The following SLC24A3 variants were observed in gnomAD, a reference collection of about 807,000 sequenced individuals.
SLC24A3 encodes sodium/potassium/calcium exchanger 3.
A neutral mutation model predicts 75.8 loss-of-function variants in SLC24A3; 28 were observed. The observed-to-expected ratio is 0.37, with a 90% confidence interval of 0.27 to 0.51. The LOEUF is 0.51. SLC24A3 is among the 20% of genes least tolerant of loss of function. SLC24A3 has a pLI of 0.94. For synonymous variants in SLC24A3, 372 were observed against 334.1 expected (o/e 1.11, Z -1.24); for missense variants, 663 against 847.8 (o/e 0.78, Z 2.71).
intron 6 of SLC24A3, among the ~76,000 whole-genome samples, chr20:19,617,622 T>A: frequency 6.6e-6 from 1 of 152,190 alleles, no homozygotes; most frequent in East Asian, 1.9e-4. Context: ...AAACCAAGAC[T>A]GCCTGCAGGA....
rs144358623 is a variant in SLC24A3, at chr20:19,667,534, C to T, written c.713+1645C>T. ...CGTTGCTCAGTGGTGCTAGTCTTTG[C>T]TAATGACACTCCCCAAAAGACAAAC... is the stretch of plus-strand genomic sequence containing the variant. On this transcript the variant is annotated intron_variant, in intron 8 of 16. Coordinates refer to ENST00000328041, the MANE Select transcript of SLC24A3 (RefSeq NM_020689.4). Among the ~76,000 whole-genome samples the T allele has an allele frequency of 6.8e-3, 1,033 of 152,324 alleles. 10 individuals carry two copies. Among genetic ancestry groups the T allele is most frequent in the African/African-American group, 0.023 (974 of 41,560 alleles).
intron 2 of SLC24A3, among the ~76,000 whole-genome samples, chr20:19,481,563 A>C (rs6035353): frequency 0.24 from 37,065 of 152,050 alleles, 5,012 homozygotes; most frequent in East Asian, 0.5. Flanking sequence ...GGGTGCCTGG[A>C]GAAACGGTGG....
intron 8 of SLC24A3, among the ~76,000 whole-genome samples, chr20:19,671,606 A>G (rs2032467726): frequency 6.6e-6 from 1 of 151,806 alleles, no homozygotes; most frequent in African/African-American, 2.4e-5. Context: ...GGAGTGGTAC[A>G]GTTGACTGAA....
intron 1 of SLC24A3, among the ~76,000 whole-genome samples, chr20:19,267,129 A>G (rs1235129509): frequency 1.3e-5 from 2 of 152,310 alleles, no homozygotes; most frequent in Non-Finnish European, 2.9e-5. Context: ...TGATGATGTT[A>G]ATGTTGTTAT....
chr20:19,514,571 G>A (rs1170993274), intron 2 of SLC24A3, among the ~76,000 whole-genome samples: 1 of 152,168 alleles, frequency 6.6e-6, no homozygotes, highest in Non-Finnish European at 1.5e-5. Context: ...CGCGCCTGGT[G>A]GGCACATCCT....
At chr20:19,529,885 G>C (rs1378863921) in intron 3 of SLC24A3, among the ~76,000 whole-genome samples, 2 of 152,130 alleles carry the variant, frequency 1.3e-5, no homozygotes, top group Non-Finnish European at 2.9e-5. Context: ...TCTTTGCTCT[G>C]CTGATAAATG....
intron 2 of SLC24A3, among the ~76,000 whole-genome samples, chr20:19,498,709 A>G (rs1988335932): frequency 6.6e-6 from 1 of 152,232 alleles, no homozygotes; most frequent in Admixed American, 6.5e-5. Context: ...GACCACAGCA[A>G]GAACTCCAGG....
intron 2 of SLC24A3, among the ~76,000 whole-genome samples, chr20:19,428,300 G>A (rs1428604019): frequency 6.6e-6 from 1 of 152,144 alleles, no homozygotes; most frequent in Non-Finnish European, 1.5e-5. Flanking sequence ...TGTGCTTATT[G>A]TTTGCTAGCT....
At chr20:19,361,430 A>C (rs1011470185) in intron 2 of SLC24A3, among the ~76,000 whole-genome samples, 3 of 152,174 alleles carry the variant, frequency 2.0e-5, no homozygotes, top group Non-Finnish European at 4.4e-5. Context: ...GAGACAGTTG[A>C]CTGCAGAGGG....
At chr20:19,330,682 T>C (rs2122292037) in intron 2 of SLC24A3, among the ~76,000 whole-genome samples, 1 of 152,364 alleles carries the variant, frequency 6.6e-6, no homozygotes, top group East Asian at 1.9e-4. Flanking sequence ...CATAATTTTG[T>C]AACTATCACA....
At chr20:19,526,271 A>C (rs1392713463) in intron 3 of SLC24A3, among the ~76,000 whole-genome samples, 1 of 152,136 alleles carries the variant, frequency 6.6e-6, no homozygotes, top group Non-Finnish European at 1.5e-5. Context: ...ACCACTTCCC[A>C]GGATTAGTGT....
At chr20:19,614,615 C>T (rs2031712995) in intron 6 of SLC24A3, among the ~76,000 whole-genome samples, 3 of 152,248 alleles carry the variant, frequency 2.0e-5, no homozygotes, top group Non-Finnish European at 4.4e-5. Context: ...ACTGGAAGAG[C>T]AAGTGCCATT....
At chr20:19,231,283 A>C (rs1388202958) in intron 1 of SLC24A3, among the ~76,000 whole-genome samples, 8 of 152,222 alleles carry the variant, frequency 5.3e-5, no homozygotes, top group Non-Finnish European at 1.0e-4. Flanking sequence ...AGTGCTCCCG[A>C]AGATGTTTAC....
In SLC24A3 at chr20:19,257,203, C is replaced by T. The variant is rs111743057; in HGVS notation, c.143-23756C>T. On this transcript the variant is annotated intron_variant, in intron 1 of 16. Transcript: ENST00000328041. The stretch of plus-strand genomic sequence containing the variant: ...AAAGGAGGCACAGAGTCACATAAGG[C>T]GAGCCCAGGAGCTGGGACCATCACT... Among the ~76,000 whole-genome samples the T allele has an allele frequency of 8.1e-3, 1,240 of 152,292 alleles. 12 individuals carry two copies. The highest frequency in any genetic ancestry group is 0.012 in the Non-Finnish European group (846 of 68,012).
intron 6 of SLC24A3, among the ~76,000 whole-genome samples, chr20:19,590,868 GCT>G (rs1439530560): frequency 1.3e-5 from 2 of 152,208 alleles, no homozygotes; most frequent in African/African-American, 4.8e-5. Flanking sequence ...TGCAGGCTCA[GCT>G]CTCATCACGT....
At chr20:19,476,057 C>A (rs1987957694) in intron 2 of SLC24A3, among the ~76,000 whole-genome samples, 1 of 152,198 alleles carries the variant, frequency 6.6e-6, no homozygotes, top group Non-Finnish European at 1.5e-5. Flanking sequence ...GGAAAACTCA[C>A]TGTGGATGTA....
At chr20:19,684,998 A>T (rs2032657082) in intron 11 of SLC24A3, 102 bp from the exon 12 acceptor site, 1 of 1,429,518 alleles carries the variant, frequency 7.0e-7, no homozygotes, top group Non-Finnish European at 9.4e-7. Flanking sequence ...TTCTGGAAGC[A>T]TATCGTCAGC....
chr20:19,700,760 AT>A (rs1327058716), intron 15 of SLC24A3, among the ~76,000 whole-genome samples: 1 of 152,178 alleles, frequency 6.6e-6, no homozygotes, highest in African/African-American at 2.4e-5. Context: ...TGGAAACATC[AT>A]CTTCAAGGTG....
chr20:19,332,212 A>C (rs1050939452), intron 2 of SLC24A3, among the ~76,000 whole-genome samples: 1 of 152,204 alleles, frequency 6.6e-6, no homozygotes, highest in African/African-American at 2.4e-5. Flanking sequence ...TCATGTCTCC[A>C]TATATCACTC....
Sources: allele counts gnomAD v4.1 joint callset (sites outside exome capture counted in the v4.1 genomes callset), GRCh38; gene constraint gnomAD v4.1.1; transcripts MANE v1.5; gene names NCBI Gene and HGNC (gene_info 2026-07-23, HGNC 2026-07-21).